The following ADCY2 variants were observed in gnomAD, a reference collection of about 807,000 sequenced individuals.
The protein encoded by ADCY2 is adenylate cyclase 2.
In ADCY2, 31 loss-of-function variants were observed where a neutral mutation model predicts 125.2. The observed-to-expected ratio is 0.25, with a 90% CI of 0.19 to 0.33. The LOEUF is 0.33. ADCY2 is among the 10% of genes least tolerant of loss of function. ADCY2 has a pLI of 1.00. For synonymous variants in ADCY2, 512 were observed against 548.4 expected, an observed-to-expected ratio of 0.93 and a Z score of 0.93; for missense variants, 904 against 1,418.2, an observed-to-expected ratio of 0.64 and a Z score of 5.82.
intron 1 of ADCY2, among the ~76,000 whole-genome samples, chr5:7,412,668 G>A (rs1739770650): frequency 6.6e-6 from 1 of 152,232 alleles, no homozygotes; most frequent in African/African-American, 2.4e-5. Context: ...TTTTCTGCCA[G>A]TTCTGGAAAC....
chr5:7,636,063 C>T (rs1049688540), intron 4 of ADCY2, among the ~76,000 whole-genome samples: 3 of 152,214 alleles, frequency 2.0e-5, no homozygotes, highest in Non-Finnish European at 2.9e-5. Context: ...CTCATCTGAC[C>T]TGTGTCTAGT....
At chr5:7,677,586 T>C (rs1313134201) in intron 4 of ADCY2, among the ~76,000 whole-genome samples, 1 of 151,922 alleles carries the variant, frequency 6.6e-6, no homozygotes, top group Non-Finnish European at 1.5e-5. Context: ...AGAGAATGAG[T>C]CTCCACATGG....
At chr5:7,574,916 CAAATA>C (rs1157785594) in intron 3 of ADCY2, among the ~76,000 whole-genome samples, 1 of 151,874 alleles carries the variant, frequency 6.6e-6, no homozygotes, top group Non-Finnish European at 1.5e-5. Flanking sequence ...TTTTTACACC[CAAATA>C]AAATAATATA....
chr5:7,669,272 G>T (rs1218430693), intron 4 of ADCY2, among the ~76,000 whole-genome samples: 1 of 152,236 alleles, frequency 6.6e-6, no homozygotes, highest in Admixed American at 6.5e-5. Context: ...CTGGGTCGAA[G>T]GGTGGTGAGA....
At chr5:7,423,970 T>G (rs911225464) in intron 2 of ADCY2, among the ~76,000 whole-genome samples, 1 of 152,214 alleles carries the variant, frequency 6.6e-6, no homozygotes, top group Admixed American at 6.5e-5. Flanking sequence ...AGGAGTCCGA[T>G]GTAAATTATT....
intron 16 of ADCY2, among the ~76,000 whole-genome samples, chr5:7,765,408 T>C (rs1743347050): frequency 6.6e-6 from 1 of 152,212 alleles, no homozygotes; most frequent in South Asian, 2.1e-4. Context: ...AGCACATTTG[T>C]AGTTCAGCCA....
At chr5:7,522,359 CT>C (rs1744474669) in intron 3 of ADCY2, 1 of 152,146 alleles carries the variant, frequency 6.6e-6, no homozygotes, top group Non-Finnish European at 1.5e-5. Flanking sequence ...CCCCTAGCCC[CT>C]GGAAACCACC....
rs1017060654 is a variant in ADCY2, at chr5:7,789,894, C to G, written c.2628+94C>G. ...AGCTTCTTCAGTGACATAAAGGCTG[C>G]AGTACTTCACACATCTGAGTGTTCA... On this transcript the variant is annotated intron_variant, in intron 20 of 24. Coordinates refer to ENST00000338316, the MANE Select transcript of ADCY2 (RefSeq NM_020546.3). The G allele has an allele frequency of 3.2e-6, 3 of 949,130 alleles. No individual in the cohort carries two copies. In the African/African-American group the frequency reaches 5.0e-5, roughly 16 times the overall value. The allele number at this position is 949,130 out of a possible 1,614,324, so 58.8% of individuals were successfully genotyped here.
chr5:7,675,199 G>A (rs1740083830), intron 4 of ADCY2, among the ~76,000 whole-genome samples: 1 of 151,348 alleles, frequency 6.6e-6, no homozygotes, highest in Non-Finnish European at 1.5e-5. Flanking sequence ...AGAAATGTTG[G>A]TCTATTTTGT....
chr5:7,480,819 C>T (rs2126472295), intron 2 of ADCY2, among the ~76,000 whole-genome samples: 1 of 152,248 alleles, frequency 6.6e-6, no homozygotes, highest in East Asian at 1.9e-4. Flanking sequence ...AGATATAATT[C>T]TTTTTTGTGG....
At chr5:7,688,074 A>G (rs1263786900) in intron 4 of ADCY2, among the ~76,000 whole-genome samples, 1 of 152,108 alleles carries the variant, frequency 6.6e-6, no homozygotes, top group Non-Finnish European at 1.5e-5. Flanking sequence ...CTAGATCCAG[A>G]CCCGTAATTA....
chr5:7,775,207 G>GTGTA (rs1553987626), intron 18 of ADCY2, among the ~76,000 whole-genome samples: 2 of 150,920 alleles, frequency 1.3e-5, no homozygotes, highest in Non-Finnish European at 2.9e-5. Context: ...GTGTGTGTGT[G>GTGTA]TGTATGCACA....
At chr5:7,497,871 A>G (rs563874076) in intron 2 of ADCY2, among the ~76,000 whole-genome samples, 9 of 152,342 alleles carry the variant, frequency 5.9e-5, no homozygotes, top group East Asian at 3.9e-4. Flanking sequence ...CTGAAGGACC[A>G]GAATTATCTA....
intron 15 of ADCY2, among the ~76,000 whole-genome samples, chr5:7,750,343 T>C (rs1469838464): frequency 6.6e-6 from 1 of 152,240 alleles, no homozygotes; most frequent in Non-Finnish European, 1.5e-5. Context: ...ATATCTCCAC[T>C]TTCTTGTTGA....
intron 2 of ADCY2, among the ~76,000 whole-genome samples, chr5:7,504,286 A>G (rs1186311506): frequency 2.6e-5 from 4 of 152,204 alleles, no homozygotes; most frequent in Non-Finnish European, 5.9e-5. Context: ...TAAAAATAAA[A>G]TGGATCCAAA....
chr5:7,579,271 T>G (rs1736348651), intron 3 of ADCY2, among the ~76,000 whole-genome samples: 1 of 152,158 alleles, frequency 6.6e-6, no homozygotes, highest in Non-Finnish European at 1.5e-5. Context: ...TTTTTATAGA[T>G]TTTGGCCTTA....
At chr5:7,397,204 A>T (rs1394666462) in intron 1 of ADCY2, among the ~76,000 whole-genome samples, 1 of 152,110 alleles carries the variant, frequency 6.6e-6, no homozygotes, top group East Asian at 1.9e-4. Flanking sequence ...AGGGTTTTGG[A>T]CAGGTTATTA....
At chr5:7,820,845 G>T (rs926548893) in intron 24 of ADCY2, among the ~76,000 whole-genome samples, 156 bp downstream of exon 24, 1 of 152,162 alleles carries the variant, frequency 6.6e-6, no homozygotes, top group African/African-American at 2.4e-5. Flanking sequence ...TTGGGGAAAT[G>T]TCAGTTTCTG....
intron 3 of ADCY2, among the ~76,000 whole-genome samples, chr5:7,607,720 AT>A (rs1420849761): frequency 6.6e-6 from 1 of 152,216 alleles, no homozygotes; most frequent in Admixed American, 6.5e-5. Flanking sequence ...TTTATATATG[AT>A]GGTGATGTTT....
Sources: allele counts gnomAD v4.1 joint callset (sites outside exome capture counted in the v4.1 genomes callset), GRCh38; gene constraint gnomAD v4.1.1; transcripts MANE v1.5; gene names NCBI Gene and HGNC (gene_info 2026-07-23, HGNC 2026-07-21).